Variants in ATXN3 observed in about 807,000 individuals in gnomAD.
ATXN3 encodes the protein ataxin 3.
ATXN3 carries 28 observed loss-of-function variants against 58.2 expected under a neutral mutation model. That is an observed-to-expected ratio of 0.48 (90% CI 0.36 to 0.66). ATXN3 has a LOEUF of 0.66. Ranked by LOEUF, ATXN3 falls within the 30% of genes least tolerant of loss-of-function variation. The probability of loss-of-function intolerance (pLI) is 0.00; values close to 1 mark genes in which losing one functional copy is unlikely to be tolerated. For missense variants in ATXN3, 321 were observed against 422.1 expected, an observed-to-expected ratio of 0.76 and a Z score of 2.10; for synonymous variants, 113 against 138.5, an observed-to-expected ratio of 0.82 and a Z score of 1.29.
At chr14:92,104,144 CCTTTT>C (rs2067555200) in intron 1 of ATXN3, among the ~76,000 whole-genome samples, 1 of 152,024 alleles carries the variant, frequency 6.6e-6, no homozygotes, top group Admixed American at 6.6e-5. Context: ...ACTCTTTTTT[CCTTTT>C]CTTTTTTTTG....
rs773864210 is a variant in ATXN3 at position 92,106,567 on chromosome 14, A to G, written c.-15T>C. The G allele has an allele frequency of 1.9e-6, 3 of 1,612,476 alleles. No homozygotes were observed. The highest frequency in any genetic ancestry group is 2.7e-5 in the African/African-American group (2 of 74,642). ...ATGGACTCCATGTTTATTTGTCTGG[A>G]GCCAACGGCCCCCACGCCGAACCAC... On this transcript the variant is annotated 5_prime_UTR_variant, in exon 1 of 11. Coordinates refer to ENST00000644486, the MANE Select transcript of ATXN3 (RefSeq NM_004993.6).
intron 1 of ATXN3, 71 bp from the exon 2 acceptor site, chr14:92,096,909 A>AT: frequency 7.7e-7 from 1 of 1,291,856 alleles, no homozygotes; most frequent in Non-Finnish European, 1.1e-6. Flanking sequence ...TCCCCTAAAT[A>AT]ATTTTTTTTT....
At chr14:92,080,591 T>G in intron 9 of ATXN3, 1 of 284,754 alleles carries the variant, frequency 3.5e-6, no homozygotes, top group East Asian at 9.4e-5. Context: ...TGGAGGGCAG[T>G]GGTGCGATCT....
chr14:92,073,834 G>A, intron 9 of ATXN3, among the ~76,000 whole-genome samples: 2 of 150,502 alleles, frequency 1.3e-5, no homozygotes, highest in East Asian at 2.0e-4. Flanking sequence ...GTGAGACTCT[G>A]TCTCAAAAAA....
At chr14:92,087,456 T>C (rs1379987332) in intron 6 of ATXN3, among the ~76,000 whole-genome samples, 1 of 78,832 alleles carries the variant, frequency 1.3e-5, no homozygotes, top group African/African-American at 6.1e-5. Context: ...GTCACTTTGA[T>C]AGATGGATGG....
intron 3 of ATXN3, among the ~76,000 whole-genome samples, chr14:92,094,372 A>G (rs1209688121): frequency 6.6e-6 from 1 of 152,268 alleles, no homozygotes; most frequent in Non-Finnish European, 1.5e-5. Flanking sequence ...ATTCCTAAAT[A>G]AAACTGCCTC....
chr14:92,066,891 T>C (rs2058552854), intron 10 of ATXN3, among the ~76,000 whole-genome samples: 1 of 151,912 alleles, frequency 6.6e-6, no homozygotes, highest in African/African-American at 2.4e-5. Flanking sequence ...TGCCTCAGCC[T>C]CCCAAGTAGC....
chr14:92,073,285 T>C (rs1288990174), intron 9 of ATXN3, among the ~76,000 whole-genome samples: 1 of 152,214 alleles, frequency 6.6e-6, no homozygotes, highest in Non-Finnish European at 1.5e-5. Context: ...CATGTTCAAG[T>C]GGTACTCAGC....
At chr14:92,068,928 G>A (rs2140315673) in intron 10 of ATXN3, among the ~76,000 whole-genome samples, 1 of 152,152 alleles carries the variant, frequency 6.6e-6, no homozygotes, top group Middle Eastern at 3.4e-3. Flanking sequence ...TGTTTTGGCT[G>A]TACTTAAACA....
chr14:92,106,414 C>T (rs1220103723), intron 1 of ATXN3, 115 bp downstream of exon 1: 3 of 1,380,024 alleles, frequency 2.2e-6, no homozygotes, highest in East Asian at 4.8e-5. Context: ...CCTCGCCGGG[C>T]GAGATCGGCA....
intron 1 of ATXN3, among the ~76,000 whole-genome samples, chr14:92,099,099 C>T (rs8009033): frequency 0.27 from 40,485 of 152,030 alleles, 5,717 homozygotes; most frequent in Admixed American, 0.37. Context: ...CCTGAATTGA[C>T]GGCAGATGAG....
rs1330804836 is a variant in ATXN3 at position 92,061,116 on chromosome 14, T to C, written c.*3204A>G. On this transcript the variant is annotated 3_prime_UTR_variant, in exon 11 of 11. Coordinates refer to ENST00000644486, the MANE Select transcript of ATXN3 (RefSeq NM_004993.6). ...GCTCTGACTGAAATAAAATTTATTT[T>C]ATTCAACTTAATATTAAACAATATG... The C allele has an allele frequency of 6.6e-6, 1 of 152,320 alleles. No homozygotes were observed. The highest frequency in any genetic ancestry group is 3.4e-3 in the Middle Eastern group (1 of 294). 9.4% of individuals were successfully genotyped at this position (152,320 alleles called of 1,614,324 possible).
Position 92,102,920 on chromosome 14 carries a change from T to C in ATXN3, c.24+3609A>G, listed in dbSNP as rs139131832. On this transcript the variant is annotated intron_variant, in intron 1 of 10. Transcript: ENST00000644486. ...TCCTAAAGCTCAAATGTCCTAAAGA[T>C]GGCTAAAATCCAGCAATCACAAAAG... is the stretch of plus-strand genomic sequence containing the variant. Among the ~76,000 whole-genome samples, 82 of 152,276 alleles carry C rather than the reference T, an allele frequency of 5.4e-4. 1 individual carries two copies. The East Asian group carries it at 0.015, about 27-fold the overall frequency.
At chr14:92,096,019 C>G in intron 3 of ATXN3, 74 bp downstream of exon 3, 1 of 1,201,618 alleles carries the variant, frequency 8.3e-7, no homozygotes, top group South Asian at 1.2e-5. Context: ...CGCCTTGTTA[C>G]AGTGACTATT....
chr14:92,088,154 C>T (rs2063011739), intron 6 of ATXN3, among the ~76,000 whole-genome samples: 1 of 151,924 alleles, frequency 6.6e-6, no homozygotes, highest in African/African-American at 2.4e-5. Context: ...CTGCAAGCTC[C>T]GCCTCCTGGG....
intron 3 of ATXN3, 27 bp downstream of exon 3, chr14:92,096,066 A>T: frequency 6.5e-7 from 1 of 1,531,494 alleles, no homozygotes. Context: ...TGTAAGCAAC[A>T]CATAGTACAT....
chr14:92,059,404 T>C lies in ATXN3; in HGVS notation c.*4916A>G, dbSNP rs992324297. The C allele has an allele frequency of 6.6e-6, 1 of 152,228 alleles. No homozygotes were observed. The highest frequency in any genetic ancestry group is 1.5e-5 in the Non-Finnish European group (1 of 68,044). The allele number at this position is 152,228 out of a possible 1,614,324, so 9.4% of individuals were successfully genotyped here. A position where few individuals can be genotyped will look rare whatever the true frequency, so the allele number is the denominator to read the frequency against. On this transcript the variant is annotated 3_prime_UTR_variant, in exon 11 of 11. Coordinates refer to ENST00000644486, the MANE Select transcript of ATXN3 (RefSeq NM_004993.6). ...AATAAAAGAAAGTTTTTATTTTGAA[T>C]ATGAAAAATAAAGTTATTTACATTG...
chr14:92,101,598 C>T (rs1039184563), intron 1 of ATXN3, among the ~76,000 whole-genome samples: 2 of 152,174 alleles, frequency 1.3e-5, no homozygotes, highest in African/African-American at 4.8e-5. Context: ...TGGCTCATGG[C>T]TGTAATTCCA....
At chr14:92,094,147 G>A (rs887281289) in intron 3 of ATXN3, among the ~76,000 whole-genome samples, 2 of 151,914 alleles carry the variant, frequency 1.3e-5, no homozygotes, top group Admixed American at 1.3e-4. Context: ...TCACCTTGTT[G>A]GCCAGGCTGG....
Sources: gnomAD v4.1 joint callset for allele counts (sites outside exome capture counted in the v4.1 genomes callset) on GRCh38, gnomAD v4.1.1 for gene constraint, MANE v1.5 for transcripts, NCBI Gene and HGNC (gene_info 2026-07-23, HGNC 2026-07-21) for gene names.